The following HVCN1 variants were observed in gnomAD, a reference collection of about 807,000 sequenced individuals.
The protein encoded by HVCN1 is voltage-gated hydrogen channel 1.
A neutral mutation model predicts 29.2 loss-of-function variants in HVCN1; 14 were observed. That is an observed-to-expected ratio of 0.48 (90% CI 0.32 to 0.75). The LOEUF (loss-of-function observed/expected upper bound fraction) is 0.75. Among genes scored for constraint, HVCN1 ranks in the 30% least tolerant of loss-of-function variants. HVCN1 has a pLI of 0.04. For synonymous variants in HVCN1, 131 were observed against 133.2 expected, an observed-to-expected ratio of 0.98 and a Z score of 0.11; for missense variants, 263 against 341.8, an observed-to-expected ratio of 0.77 and a Z score of 1.82.
intron 3 of HVCN1, among the ~76,000 whole-genome samples, chr12:110,663,198 G>T (rs2068234207): frequency 6.6e-6 from 1 of 152,198 alleles, no homozygotes; most frequent in South Asian, 2.1e-4. Flanking sequence ...AGTTGAAGTG[G>T]TGTGTATCTT....
rs1459859071 is a variant in HVCN1, at chr12:110,648,941, C to T, written c.*469G>A. The T allele has an allele frequency of 7.0e-6, 3 of 426,830 alleles. No individual in the cohort carries two copies. Among genetic ancestry groups the T allele is most frequent in the African/African-American group, 2.1e-5 (1 of 47,762 alleles). The allele number at this position is 426,830 out of a possible 1,614,324, so 26.4% of individuals were successfully genotyped here. The stretch of plus-strand genomic sequence containing the variant: ...ACACAGAGGAGGGGCCTGGGTACCC[C>T]TTTTGGGGAAACTGAGACGAAGCTA... On this transcript the variant is annotated 3_prime_UTR_variant, in exon 8 of 8. Coordinates refer to ENST00000242607, the MANE Select transcript of HVCN1 (RefSeq NM_032369.4).
At chr12:110,659,587 T>C (rs2068095421) in intron 4 of HVCN1, among the ~76,000 whole-genome samples, 1 of 152,220 alleles carries the variant, frequency 6.6e-6, no homozygotes, top group Admixed American at 6.5e-5. Flanking sequence ...CAGAGAGGGC[T>C]GACCAGACTC....
intron 3 of HVCN1, among the ~76,000 whole-genome samples, chr12:110,678,646 T>C (rs2068838115): frequency 6.6e-6 from 1 of 151,934 alleles, no homozygotes; most frequent in East Asian, 1.9e-4. Context: ...GAGATGGGGT[T>C]TCTCCATGTT....
chr12:110,668,999 CT>C (rs2068474440), intron 3 of HVCN1, among the ~76,000 whole-genome samples: 2 of 151,854 alleles, frequency 1.3e-5, no homozygotes, highest in Non-Finnish European at 2.9e-5. Context: ...GCCGGTGACT[CT>C]CTCTTTGGGG....
In HVCN1 at chr12:110,661,234, C is replaced by CCAGGGG; in HGVS notation, c.230_235dup (p.Ala77_Pro78dup). On this transcript the variant is annotated inframe_insertion, in exon 4 of 8. Coordinates refer to ENST00000242607, the MANE Select transcript of HVCN1 (RefSeq NM_032369.4). The surrounding 1 kb of genome is among the most constrained non-coding windows in gnomAD (Gnocchi z 6.2). ...GTCAAGGGGGGCCCTGGGTGCGGGGCCAGGGGCAGGGGCAACGTCAGGGGC... is the reference window on the plus strand; with the variant it reads ...GTCAAGGGGGGCCCTGGGTGCGGGGCCAGGGGCAGGGGCAGGGGCAACGTCAGGGGC... 1 of 1,614,048 alleles carries CCAGGGG rather than the reference C, an allele frequency of 6.2e-7. No individual in the cohort carries two copies. Among genetic ancestry groups the CCAGGGG allele is most frequent in the Non-Finnish European group, 8.5e-7 (1 of 1,179,938 alleles).
Position 110,699,687 on chromosome 12 carries a change from G to A in HVCN1, c.-104+2622C>T, listed in dbSNP as rs1021179605. 2.0e-5 allele frequency among the ~76,000 whole-genome samples: 3 copies of A among 152,202 alleles called. No homozygotes were observed. The East Asian group carries it at 5.8e-4, about 29-fold the overall frequency. On this transcript the variant is annotated intron_variant, in intron 2 of 4. Coordinates refer to the HVCN1 transcript ENST00000546713. ...TGATGATGATAACGGGGAGATAACA[G>A]CGCCGCTGCCCCTCCTCTCCTGGCC...
intron 5 of HVCN1, among the ~76,000 whole-genome samples, chr12:110,654,923 C>T (rs925795636): frequency 1.3e-5 from 2 of 152,096 alleles, no homozygotes; most frequent in East Asian, 3.9e-4. Flanking sequence ...GCAAGGGGAC[C>T]ATGCAGACCA....
chr12:110,687,262 C>A (rs1038116695), intron 2 of HVCN1, among the ~76,000 whole-genome samples: 4 of 149,852 alleles, frequency 2.7e-5, no homozygotes, highest in African/African-American at 4.9e-5. Context: ...ACCACACCCC[C>A]CCCCCCCAGC....
At chr12:110,698,822 G>A (rs1330396844) in intron 2 of HVCN1, among the ~76,000 whole-genome samples, 2 of 152,252 alleles carry the variant, frequency 1.3e-5, no homozygotes, top group Middle Eastern at 3.4e-3. Context: ...GGAGTCTGGT[G>A]CTTACTGTCA....
intron 3 of HVCN1, among the ~76,000 whole-genome samples, chr12:110,675,287 C>T (rs1289895315): frequency 4.0e-5 from 6 of 151,790 alleles, no homozygotes; most frequent in African/African-American, 9.7e-5. Flanking sequence ...GGGGAAACCC[C>T]GTCTCTACTA....
intron 2 of HVCN1, among the ~76,000 whole-genome samples, 197 bp from the exon 3 acceptor site, chr12:110,683,461 TCAAA>T (rs1258294909): frequency 1.3e-5 from 2 of 152,282 alleles, no homozygotes; most frequent in South Asian, 2.1e-4. Context: ...AAACAGGGAC[TCAAA>T]CAAATACTTA....
intron 4 of HVCN1, among the ~76,000 whole-genome samples, chr12:110,659,959 G>A (rs922930686): frequency 1.3e-5 from 2 of 151,932 alleles, no homozygotes. Context: ...CCAACTACTT[G>A]GGAGGCTGAG....
chr12:110,693,765 C>T (rs1356901622), upstream of HVCN1, among the ~76,000 whole-genome samples: 1 of 152,136 alleles, frequency 6.6e-6, no homozygotes, highest in Non-Finnish European at 1.5e-5. Flanking sequence ...AAATTCAAAA[C>T]TTCAATGCAA....
rs761052176 is a variant in HVCN1 at position 110,694,962 on chromosome 12, T to C, written c.-103-6254A>G. 6.6e-6 allele frequency among the ~76,000 whole-genome samples: 1 copy of C among 152,188 alleles called. No individual in the cohort carries two copies. The highest frequency in any genetic ancestry group is 1.5e-5 in the Non-Finnish European group (1 of 68,028). ...TTTCCCTTGCCCGCTGGGTGATCTG[T>C]CATCAATTCAGCAAAGAGTTTCTGA... On this transcript the variant is annotated intron_variant, in intron 2 of 4. Transcript: ENST00000546713. This position sits in a 1 kb window ranked among gnomAD's most constrained non-coding sequence, Gnocchi z 4.6.
chr12:110,668,329 C>T (rs934196972), intron 3 of HVCN1, among the ~76,000 whole-genome samples: 2 of 152,098 alleles, frequency 1.3e-5, no homozygotes, highest in Non-Finnish European at 2.9e-5. Context: ...TGGCGAAACC[C>T]CATCTCTATT....
chr12:110,702,240 C>G (rs1050751041), intron 2 of HVCN1: 2 of 152,130 alleles, frequency 1.3e-5, no homozygotes, highest in Admixed American at 1.3e-4. Flanking sequence ...GCGGCTCCCC[C>G]ACCCCTTCTG....
rs749821428 is a variant in HVCN1, at chr12:110,661,407, C to T, written c.63G>A (p.Met21Ile). ...RRAKVAPAER[M>I]SKFLRHFTVV... Reference sequence around the variant, plus strand: ...CCGTGAAGTGCCTTAAGAACTTGCTCATCCTCTCAGCGGGAGCCACCTTGG... The same window carrying T: ...CCGTGAAGTGCCTTAAGAACTTGCTTATCCTCTCAGCGGGAGCCACCTTGG... The change falls in exon 4 of 8, where the codon ATG becomes ATA. Residue 21 changes from methionine to isoleucine, a missense_variant. By Grantham distance (10) the Met-to-Ile change is conservative. Transcript: ENST00000242607. The surrounding 1 kb of genome is among the most constrained non-coding windows in gnomAD (Gnocchi z 6.2). 10 of 1,614,198 alleles carry T rather than the reference C, an allele frequency of 6.2e-6. 1 individual carries two copies. Among genetic ancestry groups the T allele is most frequent in the South Asian group, 5.5e-5 (5 of 91,072 alleles).
At chr12:110,701,729 C>T (rs1255805183) in intron 2 of HVCN1, among the ~76,000 whole-genome samples, 9 of 151,768 alleles carry the variant, frequency 5.9e-5, no homozygotes, top group African/African-American at 1.7e-4. Flanking sequence ...TGGTGGTGCA[C>T]GCCTGTAGCT....
intron 3 of HVCN1, among the ~76,000 whole-genome samples, chr12:110,680,032 G>T (rs1000824185): frequency 6.6e-6 from 1 of 152,096 alleles, no homozygotes; most frequent in Non-Finnish European, 1.5e-5. Flanking sequence ...TCTCAGAAAC[G>T]AGGAGAGCTG....
Sources: gnomAD v4.1 joint callset for allele counts (sites outside exome capture counted in the v4.1 genomes callset) on GRCh38, gnomAD v4.1.1 for gene constraint, Gnocchi (gnomAD v3.1) non-coding constraint, MANE v1.5 for transcripts, NCBI Gene and HGNC (gene_info 2026-07-23, HGNC 2026-07-21) for gene names.